Variants in MGAT4C observed in about 807,000 individuals in gnomAD.
MGAT4C encodes the protein MGAT4 family member C.
In MGAT4C, 19 loss-of-function variants were observed where a neutral mutation model predicts 40.1. The ratio of observed to expected loss-of-function variants is 0.47; its 90% CI spans 0.33 to 0.70. The LOEUF is 0.70. MGAT4C is among the 30% of genes least tolerant of loss of function. The pLI is 0.02. For missense variants in MGAT4C, 491 were observed against 563.2 expected, an observed-to-expected ratio of 0.87 and a Z score of 1.30; for synonymous variants, 181 against 187.1, an observed-to-expected ratio of 0.97 and a Z score of 0.27.
chr12:86,142,970 C>T (rs1436370746), intron 1 of MGAT4C, among the ~76,000 whole-genome samples: 1 of 152,024 alleles, frequency 6.6e-6, no homozygotes, highest in African/African-American at 2.4e-5. Flanking sequence ...CCAGAGAACC[C>T]ACTTATTGTC....
intron 2 of MGAT4C, among the ~76,000 whole-genome samples, chr12:86,570,016 G>C (rs1960298724): frequency 2.0e-5 from 3 of 152,106 alleles, no homozygotes. Flanking sequence ...TTGTAGCAGA[G>C]AGTATGATGG....
At position 86,634,299 on chromosome 12, in the gene MGAT4C, A is replaced by T. The variant is rs35016385; in HGVS notation, c.-229+92910T>A. Among the ~76,000 whole-genome samples the T allele has an allele frequency of 8.7e-3, 1,328 of 152,238 alleles. 8 individuals are homozygous for T. Among genetic ancestry groups the T allele is most frequent in the Middle Eastern group, 0.017 (5 of 294 alleles). Reference sequence around the variant, plus strand: ...TAGTTCAAAGATTTACCAATTGTGTAAACTTCATGAGGTTATTTAATCCAT... The same window carrying T: ...TAGTTCAAAGATTTACCAATTGTGTTAACTTCATGAGGTTATTTAATCCAT... On this transcript the variant is annotated intron_variant, in intron 2 of 7. Transcript: ENST00000548651.
intron 2 of MGAT4C, among the ~76,000 whole-genome samples, chr12:86,690,379 G>A (rs1179454143): frequency 2.6e-5 from 4 of 152,148 alleles, no homozygotes; most frequent in African/African-American, 9.7e-5. Context: ...GACTCCTGCA[G>A]CTAGCTGGAT....
intron 2 of MGAT4C, among the ~76,000 whole-genome samples, chr12:86,047,128 C>T (rs745316726): frequency 1.3e-5 from 2 of 152,072 alleles, no homozygotes; most frequent in Non-Finnish European, 2.9e-5. Flanking sequence ...AACTGATATT[C>T]TGAAAGCAAA....
At chr12:86,271,353 G>A (rs745319639) in intron 4 of MGAT4C, among the ~76,000 whole-genome samples, 8 of 152,150 alleles carry the variant, frequency 5.3e-5, no homozygotes, top group South Asian at 4.2e-4. Flanking sequence ...ATACAACAGC[G>A]GGCAAAGGAC....
chr12:86,235,138 C>T (rs1951479991), intron 1 of MGAT4C, among the ~76,000 whole-genome samples: 1 of 151,946 alleles, frequency 6.6e-6, no homozygotes, highest in South Asian at 2.1e-4. Flanking sequence ...GTATGGCTCC[C>T]AGGGCAGCTT....
chr12:86,505,188 T>G (rs1453185799), intron 2 of MGAT4C, among the ~76,000 whole-genome samples: 1 of 152,068 alleles, frequency 6.6e-6, no homozygotes, highest in Non-Finnish European at 1.5e-5. Context: ...AATGGCTTCA[T>G]GACTACTCTC....
At chr12:86,510,637 T>C (rs1196628587) in intron 2 of MGAT4C, among the ~76,000 whole-genome samples, 10 of 151,964 alleles carry the variant, frequency 6.6e-5, no homozygotes, top group African/African-American at 2.2e-4. Flanking sequence ...AATAAAGGGA[T>C]GGAGGAAGAT....
chr12:86,729,303 T>G (rs956294499), intron 1 of MGAT4C, among the ~76,000 whole-genome samples: 2 of 152,134 alleles, frequency 1.3e-5, no homozygotes, highest in African/African-American at 4.8e-5. Flanking sequence ...TGCCTGCCTG[T>G]ATCAAAATAT....
At chr12:86,070,089 A>ATTT (rs369712667) in intron 1 of MGAT4C, among the ~76,000 whole-genome samples, 35 of 142,464 alleles carry the variant, frequency 2.5e-4, no homozygotes, top group African/African-American at 8.9e-4. Context: ...TTTGCATTGG[A>ATTT]TTTTTTTTTT....
chr12:86,225,444 T>A (rs1951038471), intron 1 of MGAT4C, among the ~76,000 whole-genome samples: 1 of 152,126 alleles, frequency 6.6e-6, no homozygotes, highest in East Asian at 1.9e-4. Flanking sequence ...ACTCGTTCTA[T>A]GAGGCCAACA....
chr12:86,328,788 A>C (rs909551678), intron 4 of MGAT4C, among the ~76,000 whole-genome samples: 24 of 152,108 alleles, frequency 1.6e-4, no homozygotes, highest in African/African-American at 5.8e-4. Flanking sequence ...AGAAGTTAAA[A>C]CAACTCATAA....
At chr12:86,673,293 T>C (rs1490689496) in intron 2 of MGAT4C, among the ~76,000 whole-genome samples, 1 of 152,198 alleles carries the variant, frequency 6.6e-6, no homozygotes, top group Non-Finnish European at 1.5e-5. Flanking sequence ...TAGGGTAACT[T>C]TGAGTTAAGC....
At chr12:86,412,035 G>A (rs143775892) in intron 3 of MGAT4C, among the ~76,000 whole-genome samples, 5 of 152,306 alleles carry the variant, frequency 3.3e-5, no homozygotes, top group South Asian at 2.1e-4. Context: ...CACAGAGGAC[G>A]AGAGTTAAGG....
At chr12:86,707,615 C>T (rs376438961) in intron 2 of MGAT4C, among the ~76,000 whole-genome samples, 1 of 151,732 alleles carries the variant, frequency 6.6e-6, no homozygotes, top group Non-Finnish European at 1.5e-5. Context: ...ACTGCAACCT[C>T]CGCCTCCCAG....
rs149981167 is a variant in MGAT4C at position 86,076,534 on chromosome 12, C to T, written c.-56-26811G>A. On this transcript the variant is annotated intron_variant, in intron 1 of 4. Coordinates refer to ENST00000611864, the MANE Select transcript of MGAT4C (RefSeq NM_001351288.2). ...TTTCATGCTGCTGATAAAGACATAC[C>T]GGAAACTGGGAAGAAAAAGAGGTTT... Among the ~76,000 whole-genome samples, 1,179 of 152,130 alleles carry T rather than the reference C, an allele frequency of 7.7e-3. 9 individuals are homozygous for T. Among genetic ancestry groups the T allele is most frequent in the Non-Finnish European group, 0.011 (773 of 67,984 alleles).
At chr12:86,396,629 G>T (rs1956268113) in intron 3 of MGAT4C, among the ~76,000 whole-genome samples, 1 of 152,132 alleles carries the variant, frequency 6.6e-6, no homozygotes, top group Non-Finnish European at 1.5e-5. Flanking sequence ...GGGGGAGAAG[G>T]AGTGAGATAG....
chr12:86,602,758 T>A (rs1015679482), intron 2 of MGAT4C, among the ~76,000 whole-genome samples: 1 of 152,114 alleles, frequency 6.6e-6, no homozygotes, highest in African/African-American at 2.4e-5. Context: ...AATGAGTTGA[T>A]TTAATTAAGA....
At chr12:86,802,530 T>C (rs1269873458) in intron 1 of MGAT4C, among the ~76,000 whole-genome samples, 1 of 152,022 alleles carries the variant, frequency 6.6e-6, no homozygotes, top group Admixed American at 6.6e-5. Context: ...AAAATAATAA[T>C]GCTATTCTAT....
Sources: allele counts gnomAD v4.1 joint callset (sites outside exome capture counted in the v4.1 genomes callset), GRCh38; gene constraint gnomAD v4.1.1; transcripts MANE v1.5; gene names NCBI Gene and HGNC (gene_info 2026-07-23, HGNC 2026-07-21).